Variants in WDR25 observed in about 807,000 individuals in gnomAD.
WDR25 encodes WD repeat domain 25.
A neutral mutation model predicts 47.7 loss-of-function variants in WDR25; 35 were observed. The observed-to-expected ratio is 0.73, with a 90% CI of 0.56 to 0.97. The LOEUF (loss-of-function observed/expected upper bound fraction) is 0.97, where lower values mean the gene tolerates loss of function less well. Among genes scored for constraint, WDR25 ranks in the 50% least tolerant of loss-of-function variants. WDR25 has a pLI of 0.00. For synonymous variants in WDR25, 248 were observed against 278.9 expected, an observed-to-expected ratio of 0.89 and a Z score of 1.10; for missense variants, 634 against 704.7, an observed-to-expected ratio of 0.90 and a Z score of 1.14.
chr14:100,390,391 C>CTGTGTGTGTGTGTGTGTGTGTGTGTGTG (rs55802109), intron 2 of WDR25, among the ~76,000 whole-genome samples: 4 of 146,614 alleles, frequency 2.7e-5, no homozygotes, highest in Non-Finnish European at 4.5e-5. Context: ...TGACCAAAAG[C>CTGTGTGTGTGTGTGTGTGTGTGTGTGTG]TGTGTGTGTG....
chr14:100,517,930 G>A (rs181009258), intron 4 of WDR25, among the ~76,000 whole-genome samples: 50 of 152,168 alleles, frequency 3.3e-4, no homozygotes, highest in Admixed American at 2.9e-3. Flanking sequence ...TTAAAATTGT[G>A]TTATGGATTA....
At chr14:100,459,678 C>T (rs1045133665) in intron 2 of WDR25, among the ~76,000 whole-genome samples, 1 of 151,592 alleles carries the variant, frequency 6.6e-6, no homozygotes, top group Admixed American at 6.6e-5. Context: ...AATACAAAGA[C>T]AGCCATCTAC....
intron 4 of WDR25, among the ~76,000 whole-genome samples, chr14:100,495,300 TGAG>T (rs1413419247): frequency 6.6e-6 from 1 of 152,176 alleles, no homozygotes; most frequent in Non-Finnish European, 1.5e-5. Context: ...GAGGTTGCAG[TGAG>T]CTGAGACCGT....
In WDR25 at chr14:100,428,353, C is replaced by T. The variant is rs1898229664; in HGVS notation, c.823-39668C>T. On this transcript the variant is annotated intron_variant, in intron 2 of 6. Coordinates refer to ENST00000402312, the MANE Select transcript of WDR25 (RefSeq NM_001161476.3). The surrounding 1 kb of genome is among the most constrained non-coding windows in gnomAD (Gnocchi z 4.3). ...CCTTTCCTCTTCCTGGTGTGTGTAG[C>T]GAGCCTGGTCAGAGCATGGCGTCTG... 1.3e-5 allele frequency among the ~76,000 whole-genome samples: 2 copies of T among 152,154 alleles called. No individual in the cohort carries two copies. The highest frequency in any genetic ancestry group is 2.4e-5 in the African/African-American group (1 of 41,426).
chr14:100,387,879 A>G (rs1897054077), intron 2 of WDR25, among the ~76,000 whole-genome samples: 1 of 152,226 alleles, frequency 6.6e-6, no homozygotes, highest in African/African-American at 2.4e-5. Flanking sequence ...TACAGAGAAG[A>G]GATGATTTCT....
intron 3 of WDR25, among the ~76,000 whole-genome samples, chr14:100,479,474 T>G (rs1168519949): frequency 1.3e-5 from 2 of 152,190 alleles, no homozygotes; most frequent in African/African-American, 4.8e-5. Context: ...AAGAAGCAGT[T>G]TTTTGGTTTA....
At chr14:100,521,660 C>T (rs755883413) in intron 4 of WDR25, among the ~76,000 whole-genome samples, 3 of 152,158 alleles carry the variant, frequency 2.0e-5, no homozygotes, top group Non-Finnish European at 4.4e-5. Flanking sequence ...AGTCCTTTCT[C>T]GATGAACATT....
intron 2 of WDR25, among the ~76,000 whole-genome samples, chr14:100,417,945 C>CT (rs1259298049): frequency 0.068 from 9,718 of 143,522 alleles, 386 homozygotes; most frequent in African/African-American, 0.1. Flanking sequence ...TTGCTTATGT[C>CT]TTTTTTTTTT....
At chr14:100,461,421 T>C (rs890738168) in intron 2 of WDR25, among the ~76,000 whole-genome samples, 13 of 152,340 alleles carry the variant, frequency 8.5e-5, no homozygotes, top group Admixed American at 3.9e-4. Flanking sequence ...GAGATAAATT[T>C]GACAAAAGAC....
intron 2 of WDR25, among the ~76,000 whole-genome samples, chr14:100,400,501 T>C (rs1897353290): frequency 6.6e-6 from 1 of 152,258 alleles, no homozygotes; most frequent in African/African-American, 2.4e-5. Flanking sequence ...ATGGATTATA[T>C]TTAAGTTAGT....
At chr14:100,408,517 CT>C (rs1897611419) in intron 2 of WDR25, among the ~76,000 whole-genome samples, 1 of 152,078 alleles carries the variant, frequency 6.6e-6, no homozygotes, top group African/African-American at 2.4e-5. Context: ...CCAGCGCCCC[CT>C]CTGTGCCCCC....
At chr14:100,510,048 A>G (rs998158578) in intron 4 of WDR25, among the ~76,000 whole-genome samples, 1 of 151,834 alleles carries the variant, frequency 6.6e-6, no homozygotes, top group African/African-American at 2.4e-5. Flanking sequence ...AGGTGGGTGG[A>G]TCACTTGAGG....
rs746185152 is a variant in WDR25, at chr14:100,381,574, T to A, written c.650T>A (p.Val217Glu). Residue 217 changes from valine (V) to glutamate (E), a missense_variant, in exon 2 of 7, where the codon GTG becomes GAG. Val to Glu is a moderately radical substitution (Grantham distance 121). Transcript: ENST00000402312. ...GCCCCTCTCTACGTGGGCCCGGGAG[T>A]GTCTGAGTTTATTCAGCCATATTTG... is the stretch of plus-strand genomic sequence containing the variant. ...APAPLYVGPG[V>E]SEFIQPYLNS... 1.1e-5 allele frequency: 17 copies of A among 1,608,810 alleles called. No individual in the cohort carries two copies. Among genetic ancestry groups the A allele is most frequent in the Non-Finnish European group, 1.4e-5 (17 of 1,176,726 alleles).
chr14:100,437,392 G>GC (rs1445368360), intron 2 of WDR25, among the ~76,000 whole-genome samples: 1 of 152,154 alleles, frequency 6.6e-6, no homozygotes, highest in African/African-American at 2.4e-5. Context: ...CACTGTTTCA[G>GC]CTCTTGGGTT....
At chr14:100,444,615 G>A (rs1316725581) in intron 2 of WDR25, among the ~76,000 whole-genome samples, 4 of 152,200 alleles carry the variant, frequency 2.6e-5, no homozygotes, top group South Asian at 2.1e-4. Flanking sequence ...ATGCCCCTCC[G>A]TGGCCTGCAG....
At chr14:100,382,489 C>T (rs1015346630) in intron 2 of WDR25, among the ~76,000 whole-genome samples, 7 of 152,150 alleles carry the variant, frequency 4.6e-5, no homozygotes, top group Admixed American at 1.3e-4. Context: ...GAAGGTTGCA[C>T]GTGCCCTTCT....
rs141180724 is a variant in WDR25 at position 100,404,328 on chromosome 14, C to T, written c.822+22582C>T. 2.3e-3 allele frequency among the ~76,000 whole-genome samples: 354 copies of T among 152,340 alleles called. 3 individuals carry two copies. Among genetic ancestry groups the T allele is most frequent in the African/African-American group, 8.1e-3 (337 of 41,574 alleles). On this transcript the variant is annotated intron_variant, in intron 2 of 6. Coordinates refer to ENST00000402312, the MANE Select transcript of WDR25 (RefSeq NM_001161476.3). This position sits in a 1 kb window ranked among gnomAD's most constrained non-coding sequence, Gnocchi z 4.6. ...TTCGTTCCACTCTCCCACGCCAGCC[C>T]GTAAGTGTAAAGCAGATGTTTGGAA... is the stretch of plus-strand genomic sequence containing the variant.
Position 100,381,253 on chromosome 14 carries a change from A to C in WDR25, c.329A>C (p.Lys110Thr). ...GAGCCTCAAGTCACCTTCCCCATCAAAGAGCCTTCTTGTTCTTCTCTGTGG... is the reference window on the plus strand; with the variant it reads ...GAGCCTCAAGTCACCTTCCCCATCACAGAGCCTTCTTGTTCTTCTCTGTGG... The part of the protein sequence containing the change: ...GKEPQVTFPI[K>T]EPSCSSLWTS... The change falls in exon 2 of 7, where the codon AAA becomes ACA. Residue 110 changes from lysine (K) to threonine (T), a missense_variant. By Grantham distance (78) the Lys-to-Thr change is moderately conservative. Coordinates refer to ENST00000402312, the MANE Select transcript of WDR25 (RefSeq NM_001161476.3). The C allele has an allele frequency of 6.2e-7, 1 of 1,614,022 alleles. No individual in the cohort carries two copies.
intron 1 of WDR25, among the ~76,000 whole-genome samples, chr14:100,380,259 G>A (rs1896847931): frequency 6.6e-6 from 1 of 151,936 alleles, no homozygotes; most frequent in Non-Finnish European, 1.5e-5. Flanking sequence ...TGTTGGCCAG[G>A]CTGGTCTCGA....
Sources: gnomAD v4.1 joint callset for allele counts (sites outside exome capture counted in the v4.1 genomes callset) on GRCh38, gnomAD v4.1.1 for gene constraint, Gnocchi (gnomAD v3.1) non-coding constraint, MANE v1.5 for transcripts, NCBI Gene and HGNC (gene_info 2026-07-23, HGNC 2026-07-21) for gene names.